Variants in ACER3 observed in about 807,000 individuals in gnomAD.
The protein encoded by ACER3 is alkaline ceramidase 3, also known as alkCDase 3.
In ACER3, 16 loss-of-function variants were observed where a neutral mutation model predicts 48.9. The observed-to-expected ratio is 0.33, with a 90% CI of 0.22 to 0.50. The LOEUF (loss-of-function observed/expected upper bound fraction) is 0.50. Ranked by LOEUF, ACER3 falls within the 20% of genes least tolerant of loss-of-function variation. The pLI is 0.98. For synonymous variants in ACER3, 109 were observed against 107.8 expected (o/e 1.01, Z -0.07); for missense variants, 227 against 326.0 (o/e 0.70, Z 2.34).
chr11:76,949,488 T>C (rs1382407542), intron 2 of ACER3, among the ~76,000 whole-genome samples: 1 of 152,184 alleles, frequency 6.6e-6, no homozygotes, highest in African/African-American at 2.4e-5. Context: ...TAAAATGTTT[T>C]ATTCTTCATG....
intron 3 of ACER3, among the ~76,000 whole-genome samples, chr11:76,973,598 G>C (rs1318521554): frequency 6.6e-6 from 1 of 152,114 alleles, no homozygotes; most frequent in South Asian, 2.1e-4. Flanking sequence ...CCCCTAGCAG[G>C]CCCCCTACAG....
intron 1 of ACER3, chr11:76,868,217 C>T (rs1198663675): frequency 7.8e-7 from 1 of 1,289,652 alleles, no homozygotes; most frequent in Non-Finnish European, 1.0e-6. Context: ...GCAGAGGTGA[C>T]ATCCCTGTCA....
rs1315237168 is a variant in ACER3 at position 77,022,888 on chromosome 11, A to AAAAAG, written c.*2576_*2580dup. ...CGTCTCAAAAAAAAAAAAAAAAAAA[A>AAAAAG]AAAAGAAAAGAAAAGAAAATATAAG... On this transcript the variant is annotated 3_prime_UTR_variant, in exon 11 of 11. Coordinates refer to ENST00000532485, the MANE Select transcript of ACER3 (RefSeq NM_018367.7). 6.6e-6 allele frequency: 2 copies of AAAAAG among 302,694 alleles called. No individual in the cohort carries two copies. Among genetic ancestry groups the AAAAAG allele is most frequent in the South Asian group, 1.9e-4 (1 of 5,342 alleles). 18.8% of individuals were successfully genotyped at this position (302,694 alleles called of 1,614,324 possible). A position where few individuals can be genotyped will look rare whatever the true frequency, so the allele number is the denominator to read the frequency against.
intron 2 of ACER3, among the ~76,000 whole-genome samples, chr11:76,936,232 C>T (rs1024790452): frequency 1.3e-5 from 2 of 152,064 alleles, no homozygotes; most frequent in African/African-American, 4.8e-5. Flanking sequence ...ATAGACCATA[C>T]AGTAGAGTTT....
chr11:76,868,752 C>T (rs1188482673), intron 1 of ACER3, among the ~76,000 whole-genome samples: 1 of 152,026 alleles, frequency 6.6e-6, no homozygotes, highest in East Asian at 1.9e-4. Context: ...CTTTTTTGTC[C>T]AATCATATTT....
chr11:76,942,769 C>T (rs1409765908), intron 2 of ACER3, among the ~76,000 whole-genome samples: 3 of 151,828 alleles, frequency 2.0e-5, no homozygotes, highest in Non-Finnish European at 4.4e-5. Flanking sequence ...ATTAGTTCTT[C>T]TTTGTATGTT....
chr11:76,876,354 G>A (rs1276395920), intron 1 of ACER3, among the ~76,000 whole-genome samples: 2 of 151,740 alleles, frequency 1.3e-5, no homozygotes, highest in African/African-American at 2.4e-5. Flanking sequence ...TTACTATTTC[G>A]GGTAAGGCTT....
At chr11:76,869,666 C>A (rs1198049605) in intron 1 of ACER3, among the ~76,000 whole-genome samples, 1 of 8,620 alleles carries the variant, frequency 1.2e-4, no homozygotes, top group Non-Finnish European at 2.0e-4. Context: ...TAGTCACTGG[C>A]AACCACCTTT....
intron 1 of ACER3, among the ~76,000 whole-genome samples, chr11:76,909,608 A>T (rs1161902597): frequency 6.6e-6 from 1 of 152,242 alleles, no homozygotes; most frequent in Non-Finnish European, 1.5e-5. Context: ...ATCATTAAAA[A>T]GTCAGGAAAC....
At chr11:76,933,268 T>A (rs967130819) in intron 2 of ACER3, among the ~76,000 whole-genome samples, 5 of 148,210 alleles carry the variant, frequency 3.4e-5, no homozygotes, top group African/African-American at 9.8e-5. Context: ...CACATACTTA[T>A]AATTTTTATT....
chr11:76,886,258 G>A (rs1376269037), intron 1 of ACER3, among the ~76,000 whole-genome samples: 1 of 152,150 alleles, frequency 6.6e-6, no homozygotes, highest in Non-Finnish European at 1.5e-5. Flanking sequence ...TTTGGTCTAG[G>A]AACTTTGGGA....
chr11:76,950,277 C>T (rs573620921), intron 2 of ACER3, among the ~76,000 whole-genome samples: 15 of 82,470 alleles, frequency 1.8e-4, no homozygotes, highest in Admixed American at 1.3e-3. Flanking sequence ...TACCATAAGC[C>T]GGAGTAGAGT....
intron 3 of ACER3, among the ~76,000 whole-genome samples, chr11:76,969,845 A>G (rs992554166): frequency 2.0e-5 from 3 of 151,386 alleles, no homozygotes; most frequent in African/African-American, 7.3e-5. Context: ...ACCTAATGCT[A>G]AATGACGAGT....
chr11:77,007,419 C>T (rs1555021277), intron 7 of ACER3, among the ~76,000 whole-genome samples: 2 of 152,154 alleles, frequency 1.3e-5, no homozygotes, highest in African/African-American at 4.8e-5. Context: ...CCTCTTTGGC[C>T]TCTGTTGGCA....
intron 2 of ACER3, among the ~76,000 whole-genome samples, chr11:76,956,694 T>C (rs1442098798): frequency 6.6e-6 from 1 of 151,886 alleles, no homozygotes; most frequent in Non-Finnish European, 1.5e-5. Context: ...CTTTTTTTTT[T>C]TTTTTACTTC....
At chr11:76,910,184 G>T (rs1946339237) in intron 1 of ACER3, among the ~76,000 whole-genome samples, 1 of 152,050 alleles carries the variant, frequency 6.6e-6, no homozygotes, top group Non-Finnish European at 1.5e-5. Flanking sequence ...ATGACCGGTT[G>T]ATAGGTGCAG....
chr11:76,954,481 G>A (rs983347217), intron 2 of ACER3, among the ~76,000 whole-genome samples: 23 of 151,726 alleles, frequency 1.5e-4, no homozygotes, highest in African/African-American at 4.4e-4. Context: ...TACTTCCTCA[G>A]ACAGCCCTCT....
rs17135325 is a variant in ACER3 at position 77,022,269 on chromosome 11, C to A, written c.*1942C>A. ...AGTCAGATTAAGGGTACAGAAAGCA[C>A]ACCTTGATACTGAGGCCATTTAGAG... is the stretch of plus-strand genomic sequence containing the variant. On this transcript the variant is annotated 3_prime_UTR_variant, in exon 11 of 11. Transcript: ENST00000532485. The A allele has an allele frequency of 0.1, 15,866 of 152,150 alleles. 1,059 individuals are homozygous for A. The highest frequency in any genetic ancestry group is 0.35 in the East Asian group (1,834 of 5,174). The allele number at this position is 152,150 out of a possible 1,614,324, so 9.4% of individuals were successfully genotyped here.
chr11:77,014,764 T>C (rs1458471090), intron 7 of ACER3, among the ~76,000 whole-genome samples: 1 of 152,198 alleles, frequency 6.6e-6, no homozygotes, highest in African/African-American at 2.4e-5. Context: ...TGATGTCTTC[T>C]AGCCAGGCAT....
Sources: allele counts gnomAD v4.1 joint callset (sites outside exome capture counted in the v4.1 genomes callset), GRCh38; gene constraint gnomAD v4.1.1; transcripts MANE v1.5; gene names NCBI Gene and HGNC (gene_info 2026-07-23, HGNC 2026-07-21).